Variants in IGSF10 observed in about 807,000 individuals in gnomAD.
IGSF10 encodes the protein calvaria mechanical force protein 608.
A neutral mutation model predicts 128.2 loss-of-function variants in IGSF10; 126 were observed. The observed-to-expected ratio is 0.98, with a 90% CI of 0.85 to 1.14. The LOEUF is 1.14. IGSF10 is among the 50% of genes most tolerant of loss of function. The pLI is 0.00. For missense variants in IGSF10, 3,295 were observed against 3,149.8 expected (o/e 1.05, Z -1.10); for synonymous variants, 1,185 against 1,146.2 (o/e 1.03, Z -0.68).
chr3:151,495,399 T>G, the IGSF10 span, among the ~76,000 whole-genome samples: 130,985 of 152,060 alleles, frequency 0.86, 56,669 homozygotes, highest in Middle Eastern at 0.95. Context: ...ACCTACTGTG[T>G]CTGTGATTAT....
the IGSF10 span, among the ~76,000 whole-genome samples, chr3:151,598,245 G>A: frequency 1.2e-4 from 18 of 152,116 alleles, no homozygotes; most frequent in African/African-American, 3.6e-4. Context: ...TGCAAATATT[G>A]TATGTACATC....
At chr3:151,520,207 C>T in the IGSF10 span, among the ~76,000 whole-genome samples, 3 of 151,624 alleles carry the variant, frequency 2.0e-5, no homozygotes, top group South Asian at 4.1e-4. Flanking sequence ...TAATCCTGCC[C>T]GAGTTTGTTT....
the IGSF10 span, among the ~76,000 whole-genome samples, chr3:151,511,140 G>GC: frequency 6.6e-6 from 1 of 152,048 alleles, no homozygotes; most frequent in Non-Finnish European, 1.5e-5. Flanking sequence ...CTCGAGAAGA[G>GC]CAACTCCAAG....
chr3:151,493,520 A>C, the IGSF10 span, among the ~76,000 whole-genome samples: 2 of 152,164 alleles, frequency 1.3e-5, no homozygotes, highest in Non-Finnish European at 2.9e-5. Context: ...AGATACACAA[A>C]TACTTACAAC....
rs1159373501 is a variant in IGSF10, at chr3:151,446,215, A to G, written c.3766T>C (p.Ser1256Pro). The part of the protein sequence containing the change: ...KVSPFHFTTL[S>P]TSVMQIPSNT... The stretch of plus-strand genomic sequence containing the variant: ...GATGGAATTTGCATCACACTTGTTG[A>G]AAGTGTGGTGAAATGGAAAGGGGAG... The change falls in exon 6 of 8, where the codon TCA becomes CCA. Residue 1256 changes from serine (S) to proline (P), a missense_variant. Physicochemically the swap from Ser to Pro is moderately conservative, Grantham distance 74. Coordinates refer to ENST00000282466, the MANE Select transcript of IGSF10 (RefSeq NM_178822.5). 6.2e-6 allele frequency: 10 copies of G among 1,613,478 alleles called. No individual in the cohort carries two copies. The highest frequency in any genetic ancestry group is 6.8e-6 in the Non-Finnish European group (8 of 1,179,584).
chr3:151,603,715 T>C, the IGSF10 span, among the ~76,000 whole-genome samples: 24 of 152,314 alleles, frequency 1.6e-4, 1 homozygote, highest in Admixed American at 1.1e-3. Flanking sequence ...ATGGTTACTT[T>C]CAATCTAAGT....
the IGSF10 span, among the ~76,000 whole-genome samples, chr3:151,472,913 T>G: frequency 0.3 from 45,944 of 151,980 alleles, 7,517 homozygotes; most frequent in Middle Eastern, 0.38. Flanking sequence ...CACACTGCAG[T>G]GAAGCTTCAG....
chr3:151,500,552 A>C, the IGSF10 span, among the ~76,000 whole-genome samples: 3 of 152,134 alleles, frequency 2.0e-5, no homozygotes, highest in Non-Finnish European at 4.4e-5. Flanking sequence ...GGCACATACC[A>C]ATGTGTTCAG....
chr3:151,453,796 A>G, intron 4 of IGSF10, 22 bp from the exon 5 acceptor site: 2 of 1,395,518 alleles, frequency 1.4e-6, no homozygotes, highest in Non-Finnish European at 1.9e-6. Context: ...AAAAAAGAAC[A>G]TATTTATGTT....
chr3:151,503,777 G>GT, the IGSF10 span, among the ~76,000 whole-genome samples: 1 of 152,138 alleles, frequency 6.6e-6, no homozygotes, highest in Non-Finnish European at 1.5e-5. Context: ...GGAGACTGGA[G>GT]TTTTTTAAAG....
chr3:151,434,901 CTTTT>C (rs1375389308), downstream of IGSF10: 1 of 151,952 alleles, frequency 6.6e-6, no homozygotes, highest in South Asian at 2.1e-4. Context: ...TATCTTTTTT[CTTTT>C]TTTAGGTGAG....
At chr3:151,562,521 G>A in the IGSF10 span, among the ~76,000 whole-genome samples, 39 of 152,024 alleles carry the variant, frequency 2.6e-4, no homozygotes, top group Middle Eastern at 6.8e-3. Context: ...ACCCCTTTCC[G>A]GTAACAGTTT....
chr3:151,512,619 G>C, the IGSF10 span, among the ~76,000 whole-genome samples: 1 of 151,928 alleles, frequency 6.6e-6, no homozygotes, highest in Non-Finnish European at 1.5e-5. Context: ...AATCAGAGCA[G>C]AACTGAAGGA....
At position 151,447,722 on chromosome 3, in the gene IGSF10, T is replaced by C. The variant is rs1450587198; in HGVS notation, c.2259A>G (p.Pro753=). 4 of 1,614,064 alleles carry C rather than the reference T, an allele frequency of 2.5e-6. No individual in the cohort carries two copies. The Admixed American group carries it at 6.7e-5, about 27-fold the overall frequency. ...TCTCCAACAGTGCCGCCCAATGTTGTGGGTCAATTCTCCTAGCAGAGGGAG... is the reference window on the plus strand; with the variant it reads ...TCTCCAACAGTGCCGCCCAATGTTGCGGGTCAATTCTCCTAGCAGAGGGAG... ...HFPPSARRID[P]QHWAALLEKA... The change falls in exon 6 of 8, where the codon CCA becomes CCG. Residue 753 remains proline, a synonymous_variant. Coordinates refer to ENST00000282466, the MANE Select transcript of IGSF10 (RefSeq NM_178822.5).
intron 6 of IGSF10, among the ~76,000 whole-genome samples, chr3:151,444,298 G>A (rs1721053663): frequency 2.0e-5 from 3 of 151,946 alleles, no homozygotes; most frequent in Non-Finnish European, 2.9e-5. Flanking sequence ...AATTATTCCT[G>A]GATTATTTTA....
chr3:151,490,859 TATGG>T, the IGSF10 span, among the ~76,000 whole-genome samples: 229 of 152,166 alleles, frequency 1.5e-3, no homozygotes, highest in African/African-American at 5.4e-3. Context: ...TATCAAAACT[TATGG>T]ATGAAGTAAG....
chr3:151,511,881 T>C, the IGSF10 span, among the ~76,000 whole-genome samples: 3 of 152,160 alleles, frequency 2.0e-5, no homozygotes, highest in African/African-American at 7.2e-5. Context: ...CATTACATAA[T>C]GGTAAAGGGA....
the IGSF10 span, among the ~76,000 whole-genome samples, chr3:151,498,671 A>C: frequency 5.9e-5 from 9 of 152,146 alleles, no homozygotes; most frequent in African/African-American, 1.9e-4. Context: ...CAAGTAGACA[A>C]ATTGAAAATT....
At chr3:151,534,070 T>C in the IGSF10 span, among the ~76,000 whole-genome samples, 1 of 152,238 alleles carries the variant, frequency 6.6e-6, no homozygotes, top group African/African-American at 2.4e-5. Context: ...TCATCATCAC[T>C]GGTCATTAGA....
Sources: allele counts gnomAD v4.1 joint callset (sites outside exome capture counted in the v4.1 genomes callset), GRCh38; gene constraint gnomAD v4.1.1; transcripts MANE v1.5; gene names NCBI Gene and HGNC (gene_info 2026-07-23, HGNC 2026-07-21).